PAK2: variants seen among roughly 807,000 people sequenced by gnomAD.
PAK2 encodes the protein serine/threonine-protein kinase PAK 2.
Under a neutral mutation model 65.9 loss-of-function variants are expected in PAK2, and 21 were observed. The ratio of observed to expected loss-of-function variants is 0.32; its 90% CI spans 0.23 to 0.46. The LOEUF is 0.46. PAK2 is among the 20% of genes least tolerant of loss of function. The pLI is 1.00. For synonymous variants in PAK2, 204 were observed against 219.7 expected, an observed-to-expected ratio of 0.93 and a Z score of 0.63; for missense variants, 324 against 642.6, an observed-to-expected ratio of 0.50 and a Z score of 5.36.
intron 1 of PAK2, among the ~76,000 whole-genome samples, chr3:196,755,084 C>T (rs955235706): frequency 6.6e-6 from 1 of 152,134 alleles, no homozygotes; most frequent in African/African-American, 2.4e-5. Flanking sequence ...CTTCAAAGAT[C>T]TCATATAAAT....
intron 1 of PAK2, among the ~76,000 whole-genome samples, chr3:196,753,698 C>G (rs957003692): frequency 2.6e-5 from 4 of 152,266 alleles, no homozygotes; most frequent in African/African-American, 9.6e-5. Flanking sequence ...TTGCTAACTT[C>G]CCTCAGAAAT....
intron 1 of PAK2, among the ~76,000 whole-genome samples, chr3:196,781,032 C>T (rs1040685147): frequency 5.9e-5 from 9 of 152,188 alleles, no homozygotes; most frequent in Admixed American, 5.2e-4. Flanking sequence ...TCGTGATCCA[C>T]CCGCCTCGGC....
rs1712065440 is a variant in PAK2, at chr3:196,831,071, A to C, written c.*2666A>C. The C allele has an allele frequency of 2.6e-5, 4 of 152,166 alleles. No homozygotes were observed. 9.4% of individuals were successfully genotyped at this position (152,166 alleles called of 1,614,324 possible). On this transcript the variant is annotated 3_prime_UTR_variant, in exon 15 of 15. Transcript: ENST00000327134. ...CCAGCTATTTTTTTGTATTTTTAGT[A>C]GAGACAGAGTCTCACCACATTGCCC...
rs1474526844 is a variant in PAK2, at chr3:196,832,092, T to C, written c.*3687T>C. On this transcript the variant is annotated 3_prime_UTR_variant, in exon 15 of 15. Transcript: ENST00000327134. ...TCGAAAGAAGAAGCAAGCGCTGGCC[T>C]GGCCTTGAAAGAACCGAAGTCTTTC... is the stretch of plus-strand genomic sequence containing the variant. 2 of 152,230 alleles carry C rather than the reference T, an allele frequency of 1.3e-5. No individual in the cohort carries two copies. The highest frequency in any genetic ancestry group is 1.3e-4 in the Admixed American group (2 of 15,274). 9.4% of individuals were successfully genotyped at this position (152,230 alleles called of 1,614,324 possible). A position where few individuals can be genotyped will look rare whatever the true frequency, so the allele number is the denominator to read the frequency against.
At position 196,820,069 on chromosome 3, in the gene PAK2, C is replaced by CT. The variant is rs1258630227; in HGVS notation, c.1154-301dup. On this transcript the variant is annotated intron_variant, in intron 12 of 14. Coordinates refer to ENST00000327134, the MANE Select transcript of PAK2 (RefSeq NM_002577.4). The surrounding 1 kb of genome is among the most constrained non-coding windows in gnomAD (Gnocchi z 4.6). ...GATTCACTGCATTTAGTTTTGGTGT[C>CT]TACTTTTGCTTTACTTTTTCGTAGA... Among the ~76,000 whole-genome samples, 3 of 152,106 alleles carry CT rather than the reference C, an allele frequency of 2.0e-5. No homozygotes were observed. In the East Asian group the frequency reaches 5.8e-4, roughly 29 times the overall value.
At chr3:196,783,040 T>C (rs1382182702) in intron 2 of PAK2, among the ~76,000 whole-genome samples, 1 of 152,224 alleles carries the variant, frequency 6.6e-6, no homozygotes, top group East Asian at 1.9e-4. Context: ...CTGCTTGTTA[T>C]GGCCAATGAA....
At chr3:196,817,321 C>T (rs1311646228) in intron 11 of PAK2, among the ~76,000 whole-genome samples, 1 of 151,396 alleles carries the variant, frequency 6.6e-6, no homozygotes, top group Non-Finnish European at 1.5e-5. Flanking sequence ...TGAGGCACCA[C>T]ACCTGGCTAA....
intron 1 of PAK2, among the ~76,000 whole-genome samples, chr3:196,743,418 T>C (rs1412988717): frequency 6.6e-6 from 1 of 152,156 alleles, no homozygotes; most frequent in Non-Finnish European, 1.5e-5. Context: ...ATAATAATAA[T>C]ACCAATTTCA....
chr3:196,803,225 G>T, intron 4 of PAK2, 61 bp downstream of exon 4: 1 of 1,299,420 alleles, frequency 7.7e-7, no homozygotes, highest in Non-Finnish European at 1.1e-6. Flanking sequence ...TAGATAAAAA[G>T]ATTACTCCTG....
rs1368315583 is a variant in PAK2 at position 196,831,055 on chromosome 3, T to G, written c.*2650T>G. ...GCACCCGCCACCACACCCAGCTATT[T>G]TTTTGTATTTTTAGTAGAGACAGAG... On this transcript the variant is annotated 3_prime_UTR_variant, in exon 15 of 15. Transcript: ENST00000327134. 6.6e-6 allele frequency: 1 copy of G among 152,062 alleles called. No homozygotes were observed. The highest frequency in any genetic ancestry group is 2.4e-5 in the African/African-American group (1 of 41,382). 9.4% of individuals were successfully genotyped at this position (152,062 alleles called of 1,614,324 possible). A position where few individuals can be genotyped will look rare whatever the true frequency, so the allele number is the denominator to read the frequency against.
At chr3:196,818,563 C>T (rs1577747979) in intron 12 of PAK2, among the ~76,000 whole-genome samples, 1 of 152,240 alleles carries the variant, frequency 6.6e-6, no homozygotes, top group East Asian at 1.9e-4. Context: ...GACGGGGTTT[C>T]TCCACATTGG....
intron 1 of PAK2, among the ~76,000 whole-genome samples, chr3:196,768,501 T>C (rs918273692): frequency 6.6e-6 from 1 of 151,386 alleles, no homozygotes; most frequent in Admixed American, 6.6e-5. Flanking sequence ...TATATGTATG[T>C]ATGTATTTAT....
chr3:196,772,193 G>A (rs940456652), intron 1 of PAK2, among the ~76,000 whole-genome samples: 1 of 152,104 alleles, frequency 6.6e-6, no homozygotes, highest in Non-Finnish European at 1.5e-5. Context: ...GTTGTTATGT[G>A]CATTATAGCC....
chr3:196,811,039 T>A (rs1339386284), intron 8 of PAK2, among the ~76,000 whole-genome samples: 1 of 152,008 alleles, frequency 6.6e-6, no homozygotes, highest in Non-Finnish European at 1.5e-5. Flanking sequence ...TTTTGTTGTG[T>A]AATTTGTATT....
chr3:196,818,327 A>G (rs1010142901), intron 12 of PAK2, among the ~76,000 whole-genome samples, 171 bp downstream of exon 12: 1 of 152,190 alleles, frequency 6.6e-6, no homozygotes, highest in Non-Finnish European at 1.5e-5. Flanking sequence ...AGTGCCAGAG[A>G]AAGGACTCGC....
At chr3:196,748,460 T>G (rs1245380900) in intron 1 of PAK2, among the ~76,000 whole-genome samples, 1 of 152,214 alleles carries the variant, frequency 6.6e-6, no homozygotes, top group Non-Finnish European at 1.5e-5. Flanking sequence ...TTCCGCACCT[T>G]AAAACTCTCT....
chr3:196,784,524 A>G (rs531692168), intron 2 of PAK2, among the ~76,000 whole-genome samples: 14 of 114,084 alleles, frequency 1.2e-4, no homozygotes, highest in Admixed American at 2.9e-4. Flanking sequence ...ATGATTTCCA[A>G]TTTCATCCAT....
At chr3:196,743,624 G>A (rs1183632553) in intron 1 of PAK2, among the ~76,000 whole-genome samples, 1 of 152,098 alleles carries the variant, frequency 6.6e-6, no homozygotes, top group Admixed American at 6.5e-5. Flanking sequence ...GAGGTGGGCC[G>A]ATCACTTGAG....
intron 4 of PAK2, among the ~76,000 whole-genome samples, chr3:196,805,087 A>T (rs2108758427): frequency 6.6e-6 from 1 of 152,166 alleles, no homozygotes; most frequent in South Asian, 2.1e-4. Context: ...TTGAGGTATA[A>T]TTTACATGCA....
Sources: gnomAD v4.1 joint callset for allele counts (sites outside exome capture counted in the v4.1 genomes callset) on GRCh38, gnomAD v4.1.1 for gene constraint, Gnocchi (gnomAD v3.1) non-coding constraint, MANE v1.5 for transcripts, NCBI Gene and HGNC (gene_info 2026-07-23, HGNC 2026-07-21) for gene names.